Variants in PMP22 observed in about 807,000 individuals in gnomAD.
The protein encoded by PMP22 is Charcot-Marie-Tooth neuropathy 1A (greatly reduced nerve conduction velocity, hereditary motor sensory neuropathy Ia).
A neutral mutation model predicts 18.9 loss-of-function variants in PMP22; 2 were observed. The observed-to-expected ratio is 0.11, with a 90% CI of 0.04 to 0.33. The LOEUF (loss-of-function observed/expected upper bound fraction) is 0.33. PMP22 is among the 10% of genes least tolerant of loss of function. PMP22 has a pLI of 1.00. For missense variants in PMP22, 169 were observed against 202.2 expected (o/e 0.84, Z 1.00); for synonymous variants, 95 against 89.2 (o/e 1.07, Z -0.37).
rs1401823686 is a variant in PMP22 at position 15,258,859 on chromosome 17, A to C, written c.178+235T>G. ...CATTATCCTAAGTGATCAGGAGGGCACTAAGGGCATGTCTCTAGGTAGAGT... is the reference window on the plus strand; with the variant it reads ...CATTATCCTAAGTGATCAGGAGGGCCCTAAGGGCATGTCTCTAGGTAGAGT... On this transcript the variant is annotated intron_variant, in intron 3 of 4. Transcript: ENST00000312280. This position sits in a 1 kb window ranked among gnomAD's most constrained non-coding sequence, Gnocchi z 4.1. 1 of 589,296 alleles carries C rather than the reference A, an allele frequency of 1.7e-6. No individual in the cohort carries two copies. Among genetic ancestry groups the C allele is most frequent in the Non-Finnish European group, 3.1e-6 (1 of 324,826 alleles). 36.5% of individuals were successfully genotyped at this position (589,296 alleles called of 1,614,324 possible). A position where few individuals can be genotyped will look rare whatever the true frequency, so the allele number is the denominator to read the frequency against.
Position 15,260,775 on chromosome 17 carries a change from G to T in PMP22, c.-34-14C>A, listed in dbSNP as rs1164503759. 1.3e-6 allele frequency: 2 copies of T among 1,498,952 alleles called. No homozygotes were observed. Among genetic ancestry groups the T allele is most frequent in the South Asian group, 1.2e-5 (1 of 83,036 alleles). 92.9% of individuals were successfully genotyped at this position (1,498,952 alleles called of 1,614,324 possible). A position where few individuals can be genotyped will look rare whatever the true frequency, so the allele number is the denominator to read the frequency against. On this transcript the variant is annotated splice_polypyrimidine_tract_variant and intron_variant, in intron 1 of 4. Coordinates refer to ENST00000312280, the MANE Select transcript of PMP22 (RefSeq NM_000304.4). ...CGGAGTTTCTGCCTGCGAGGAGAGC[G>T]CTGGGCGTGAGGCCGAACGCACTGG...
At chr17:15,244,963 G>A (rs986117198) in intron 3 of PMP22, among the ~76,000 whole-genome samples, 2 of 152,298 alleles carry the variant, frequency 1.3e-5, no homozygotes, top group Admixed American at 6.5e-5. Context: ...GACTTACTAA[G>A]AGTCAGGATT....
intron 3 of PMP22, among the ~76,000 whole-genome samples, chr17:15,257,245 T>A (rs1908915565): frequency 6.6e-6 from 1 of 152,218 alleles, no homozygotes; most frequent in Non-Finnish European, 1.5e-5. Context: ...TGACAGCTAT[T>A]TCCAACGGCA....
intron 4 of PMP22, among the ~76,000 whole-genome samples, chr17:15,232,915 T>C (rs1395809030): frequency 1.3e-5 from 2 of 152,212 alleles, no homozygotes; most frequent in African/African-American, 4.8e-5. Context: ...CAGAAGTGAA[T>C]GACTCTAAGC....
Position 15,237,661 on chromosome 17 carries a change from G to C in PMP22, c.319+1810C>G, listed in dbSNP as rs550986401. The stretch of plus-strand genomic sequence containing the variant: ...TATAAGAAGTACCTCACTATATTCA[G>C]TGTAACACTCAACCGTCCCTGTCAT... On this transcript the variant is annotated intron_variant, in intron 4 of 4. Coordinates refer to ENST00000312280, the MANE Select transcript of PMP22 (RefSeq NM_000304.4). Among the ~76,000 whole-genome samples the C allele has an allele frequency of 5.2e-4, 79 of 152,304 alleles. No individual in the cohort carries two copies. The South Asian group carries it at 6.0e-3, about 12-fold the overall frequency.
At chr17:15,253,538 C>T (rs564997441) in intron 3 of PMP22, among the ~76,000 whole-genome samples, 4 of 152,184 alleles carry the variant, frequency 2.6e-5, no homozygotes, top group South Asian at 2.1e-4. Flanking sequence ...CTGAGAAACC[C>T]GTGGAAGACA....
At chr17:15,251,141 C>T (rs1443617910) in intron 3 of PMP22, among the ~76,000 whole-genome samples, 1 of 152,176 alleles carries the variant, frequency 6.6e-6, no homozygotes, top group Non-Finnish European at 1.5e-5. Flanking sequence ...CTTCCCTTTA[C>T]CTCCTAGAAT....
chr17:15,260,596 A>G (rs1909229076), intron 2 of PMP22, 54 bp downstream of exon 2: 1 of 1,422,912 alleles, frequency 7.0e-7, no homozygotes, highest in African/African-American at 1.4e-5. Flanking sequence ...ACGGGCTGGG[A>G]ACCCAGATGG....
Position 15,265,268 on chromosome 17 carries a change from A to T in PMP22, c.-149T>A, listed in dbSNP as rs1909630481. ...GTCAGAGACCCGCAGCCGACAGACTAAGCCTGCAGCTTCCAACCAGGCTCC... is the reference window on the plus strand; with the variant it reads ...GTCAGAGACCCGCAGCCGACAGACTTAGCCTGCAGCTTCCAACCAGGCTCC... On this transcript the variant is annotated 5_prime_UTR_variant, in exon 1 of 5. Coordinates refer to ENST00000312280, the MANE Select transcript of PMP22 (RefSeq NM_000304.4). The T allele has an allele frequency of 6.6e-6, 1 of 152,156 alleles. No homozygotes were observed. Among genetic ancestry groups the T allele is most frequent in the South Asian group, 2.1e-4 (1 of 4,818 alleles). 9.4% of individuals were successfully genotyped at this position (152,156 alleles called of 1,614,324 possible). A position where few individuals can be genotyped will look rare whatever the true frequency, so the allele number is the denominator to read the frequency against.
chr17:15,247,953 C>T (rs865963217), intron 3 of PMP22, among the ~76,000 whole-genome samples: 2 of 152,216 alleles, frequency 1.3e-5, no homozygotes, highest in South Asian at 2.1e-4. Flanking sequence ...AGGACTCCCA[C>T]GCCCAAACCT....
chr17:15,260,396 G>T (rs563607036), intron 2 of PMP22: 5 of 568,018 alleles, frequency 8.8e-6, no homozygotes, highest in Non-Finnish European at 1.6e-5. Flanking sequence ...CCCTAGATCG[G>T]CTCTGAAGTT....
intron 4 of PMP22, among the ~76,000 whole-genome samples, chr17:15,238,631 G>A (rs1907010028): frequency 6.6e-6 from 1 of 152,198 alleles, no homozygotes; most frequent in Non-Finnish European, 1.5e-5. Flanking sequence ...AGACATGTAA[G>A]AGCTAATGTA....
intron 3 of PMP22, among the ~76,000 whole-genome samples, chr17:15,256,877 A>C (rs1288857662): frequency 6.6e-6 from 1 of 152,222 alleles, no homozygotes; most frequent in Non-Finnish European, 1.5e-5. Flanking sequence ...AGTCGTAGCA[A>C]GTGCTGCCAC....
In PMP22 at chr17:15,239,456, C is replaced by G; in HGVS notation, c.319+15G>C. 6.2e-7 allele frequency: 1 copy of G among 1,614,158 alleles called. No homozygotes were observed. The highest frequency in any genetic ancestry group is 8.5e-7 in the Non-Finnish European group (1 of 1,179,964). On this transcript the variant is annotated intron_variant, in intron 4 of 4. Coordinates refer to ENST00000312280, the MANE Select transcript of PMP22 (RefSeq NM_000304.4). ...GCACCCCGCTTCCACATGGACTTTACCATCCACAACTTACCAGCAAGAATT... is the reference window on the plus strand; with the variant it reads ...GCACCCCGCTTCCACATGGACTTTAGCATCCACAACTTACCAGCAAGAATT...
chr17:15,248,458 G>C (rs1908022244), intron 3 of PMP22, among the ~76,000 whole-genome samples: 1 of 152,180 alleles, frequency 6.6e-6, no homozygotes, highest in Non-Finnish European at 1.5e-5. Flanking sequence ...CTTTGTGGCA[G>C]GCACAGAGCT....
chr17:15,245,053 T>C (rs1249235038), intron 3 of PMP22, among the ~76,000 whole-genome samples: 1 of 152,052 alleles, frequency 6.6e-6, no homozygotes, highest in African/African-American at 2.4e-5. Context: ...GATTTTCCTT[T>C]CCTCCAGTGC....
chr17:15,257,874 T>G (rs563968813), intron 3 of PMP22, among the ~76,000 whole-genome samples: 2 of 152,350 alleles, frequency 1.3e-5, no homozygotes, highest in South Asian at 2.1e-4. Context: ...CCATGTAAAT[T>G]ACCAAATTAT....
intron 4 of PMP22, among the ~76,000 whole-genome samples, chr17:15,236,650 G>T (rs1410878800): frequency 3.9e-5 from 6 of 152,130 alleles, no homozygotes; most frequent in Non-Finnish European, 8.8e-5. Flanking sequence ...CAAAACGTGG[G>T]TTTCTCATCT....
intron 4 of PMP22, 175 bp downstream of exon 4, chr17:15,239,296 C>A (rs1487619088): frequency 2.8e-6 from 2 of 720,786 alleles, no homozygotes; most frequent in Admixed American, 4.1e-5. Flanking sequence ...AGTTCTAAGA[C>A]ACATACAGGT....
Sources: allele counts gnomAD v4.1 joint callset (sites outside exome capture counted in the v4.1 genomes callset), GRCh38; gene constraint gnomAD v4.1.1; non-coding constraint Gnocchi (gnomAD v3.1); transcripts MANE v1.5; gene names NCBI Gene and HGNC (gene_info 2026-07-23, HGNC 2026-07-21).